ZFYVE1: variants seen among roughly 807,000 people sequenced by gnomAD.
ZFYVE1 encodes zinc finger FYVE domain-containing protein 1.
In ZFYVE1, 30 loss-of-function variants were observed where a neutral mutation model predicts 74.4. That is an observed-to-expected ratio of 0.40 (90% CI 0.30 to 0.55). The LOEUF is 0.55. ZFYVE1 is among the 20% of genes least tolerant of loss of function. The pLI is 0.42. For synonymous variants in ZFYVE1, 335 were observed against 385.1 expected (o/e 0.87, Z 1.52); for missense variants, 703 against 1,011.6 (o/e 0.69, Z 4.14).
At chr14:73,021,882 C>T (rs1894326823) in intron 2 of ZFYVE1, among the ~76,000 whole-genome samples, 1 of 152,072 alleles carries the variant, frequency 6.6e-6, no homozygotes, top group Admixed American at 6.6e-5. Flanking sequence ...CTAAGGAACA[C>T]ATATCAATGC....
At chr14:73,005,517 C>G (rs938447613) in intron 2 of ZFYVE1, among the ~76,000 whole-genome samples, 3 of 152,176 alleles carry the variant, frequency 2.0e-5, no homozygotes, top group African/African-American at 7.2e-5. Flanking sequence ...CCATCTTCCC[C>G]AAGCTTGCTA....
chr14:73,016,335 C>A (rs2140385889), intron 2 of ZFYVE1, among the ~76,000 whole-genome samples: 1 of 152,108 alleles, frequency 6.6e-6, no homozygotes, highest in African/African-American at 2.4e-5. Context: ...CACGGTGAAA[C>A]CCCGTCTCTA....
chr14:72,980,338 A>G (rs1348248762), intron 5 of ZFYVE1, among the ~76,000 whole-genome samples: 2 of 152,070 alleles, frequency 1.3e-5, no homozygotes, highest in Non-Finnish European at 2.9e-5. Context: ...AAGCAAAGAC[A>G]ATTTGGTAGT....
intron 2 of ZFYVE1, among the ~76,000 whole-genome samples, chr14:73,012,690 A>G (rs1313019432): frequency 6.6e-6 from 1 of 152,190 alleles, no homozygotes; most frequent in Admixed American, 6.5e-5. Context: ...GCTTCATTCC[A>G]GAGAATGAAG....
intron 2 of ZFYVE1, among the ~76,000 whole-genome samples, chr14:73,015,094 G>A (rs1894161540): frequency 6.6e-6 from 1 of 151,276 alleles, no homozygotes; most frequent in Non-Finnish European, 1.5e-5. Flanking sequence ...AGTCAGGCAT[G>A]GTGGCAGGCG....
At chr14:72,978,683 C>T (rs1389763361) in intron 6 of ZFYVE1, among the ~76,000 whole-genome samples, 178 bp downstream of exon 6, 3 of 151,930 alleles carry the variant, frequency 2.0e-5, no homozygotes, top group Non-Finnish European at 4.4e-5. Flanking sequence ...CAAAGGGACC[C>T]TCACCAATGA....
rs751619425 is a variant in ZFYVE1, at chr14:72,993,123, T to C, written c.1203+20A>G. 9 of 1,574,736 alleles carry C rather than the reference T, an allele frequency of 5.7e-6. No homozygotes were observed. The Middle Eastern group carries it at 6.5e-4, about 113-fold the overall frequency. Reference sequence around the variant, plus strand: ...CACTGGCACCCCAATGAGAAGCCCTTGGGGCACAAGCCAACTGACCTTCAG... The same window carrying C: ...CACTGGCACCCCAATGAGAAGCCCTCGGGGCACAAGCCAACTGACCTTCAG... On this transcript the variant is annotated intron_variant, in intron 4 of 11. Transcript: ENST00000556143.
At position 72,975,468 on chromosome 14, in the gene ZFYVE1, C is replaced by T; in HGVS notation, c.1806+83G>A. On this transcript the variant is annotated intron_variant, in intron 9 of 11. Coordinates refer to ENST00000556143, the MANE Select transcript of ZFYVE1 (RefSeq NM_021260.4). This position sits in a 1 kb window ranked among gnomAD's most constrained non-coding sequence, Gnocchi z 4.1. ...GCAGAAAATGTTTGCGTCTCCCTCA[C>T]AGAACAAGCTTAGCACAGGGCAAAG... The T allele has an allele frequency of 1.3e-6, 2 of 1,495,066 alleles. No homozygotes were observed. Among genetic ancestry groups the T allele is most frequent in the East Asian group, 2.3e-5 (1 of 43,222 alleles). The allele number at this position is 1,495,066 out of a possible 1,614,324, so 92.6% of individuals were successfully genotyped here. A position where few individuals can be genotyped will look rare whatever the true frequency, so the allele number is the denominator to read the frequency against.
intron 4 of ZFYVE1, among the ~76,000 whole-genome samples, chr14:72,986,531 A>G (rs1220574696): frequency 6.6e-6 from 1 of 150,464 alleles, no homozygotes; most frequent in East Asian, 1.9e-4. Context: ...GAGTAGGGAG[A>G]AACTCCTCTT....
At chr14:73,012,296 C>T (rs1162878808) in intron 2 of ZFYVE1, among the ~76,000 whole-genome samples, 1 of 151,890 alleles carries the variant, frequency 6.6e-6, no homozygotes, top group African/African-American at 2.4e-5. Flanking sequence ...CAAACTAAAC[C>T]CATGAGTCAC....
chr14:73,014,961 G>A (rs1414643693), intron 2 of ZFYVE1, among the ~76,000 whole-genome samples: 3 of 152,094 alleles, frequency 2.0e-5, no homozygotes, highest in East Asian at 1.9e-4. Context: ...AGGGCCGGGT[G>A]CAGTGGCTCA....
intron 4 of ZFYVE1, among the ~76,000 whole-genome samples, chr14:72,987,984 T>C (rs977919016): frequency 6.6e-6 from 1 of 152,114 alleles, no homozygotes; most frequent in African/African-American, 2.4e-5. Flanking sequence ...TCTCTCTGTC[T>C]CTCTCTCACA....
chr14:73,013,867 C>T (rs1287533813), intron 2 of ZFYVE1, among the ~76,000 whole-genome samples: 1 of 152,158 alleles, frequency 6.6e-6, no homozygotes, highest in East Asian at 1.9e-4. Flanking sequence ...ATGAGAGCTC[C>T]TCCCGAAGTA....
rs187852091 is a variant in ZFYVE1, at chr14:72,969,452, G to A, written c.*1430C>T. The A allele has an allele frequency of 1.3e-5, 6 of 449,610 alleles. No homozygotes were observed. Among genetic ancestry groups the A allele is most frequent in the Admixed American group, 7.8e-5 (2 of 25,518 alleles). 27.9% of individuals were successfully genotyped at this position (449,610 alleles called of 1,614,324 possible). ...AGGAAAGAGCCAGCACAGTCGAGATGCAGGAAGATTCCTTTATGATGGCGA... is the reference window on the plus strand; with the variant it reads ...AGGAAAGAGCCAGCACAGTCGAGATACAGGAAGATTCCTTTATGATGGCGA... On this transcript the variant is annotated 3_prime_UTR_variant, in exon 12 of 12. Coordinates refer to ENST00000556143, the MANE Select transcript of ZFYVE1 (RefSeq NM_021260.4).
At chr14:72,993,058 C>T (rs765826028) in intron 4 of ZFYVE1, 85 bp downstream of exon 4, 50 of 1,347,430 alleles carry the variant, frequency 3.7e-5, no homozygotes, top group Non-Finnish European at 4.8e-5. Context: ...TTCCAATCAC[C>T]AGCACCACAA....
At chr14:72,987,435 C>T (rs1003234265) in intron 4 of ZFYVE1, among the ~76,000 whole-genome samples, 4 of 152,014 alleles carry the variant, frequency 2.6e-5, no homozygotes, top group African/African-American at 7.2e-5. Context: ...GGTGTGGTGG[C>T]GTGTGCCTGT....
In ZFYVE1 at chr14:72,970,604, G is replaced by C. The variant is rs1446676705; in HGVS notation, c.*278C>G. The C allele has an allele frequency of 2.3e-5, 11 of 478,562 alleles. No individual in the cohort carries two copies. The highest frequency in any genetic ancestry group is 1.8e-4 in the Admixed American group (5 of 28,052). 29.6% of individuals were successfully genotyped at this position (478,562 alleles called of 1,614,324 possible). ...GCCTTTCATATGTATATATGAGAGA[G>C]AGATATACACATATATATTCATTAT... On this transcript the variant is annotated 3_prime_UTR_variant, in exon 12 of 12. Transcript: ENST00000556143.
chr14:72,978,742 T>C (rs2140346856), intron 6 of ZFYVE1, 119 bp downstream of exon 6: 6 of 796,770 alleles, frequency 7.5e-6, no homozygotes, highest in East Asian at 2.5e-5. Context: ...TCCAGAAATA[T>C]TCAATTTGAA....
chr14:72,979,077 T>C (rs1306621110), intron 5 of ZFYVE1, 108 bp from the exon 6 acceptor site: 1 of 921,050 alleles, frequency 1.1e-6, no homozygotes, highest in Non-Finnish European at 1.8e-6. Flanking sequence ...AGACCTTGAT[T>C]ACTAACTGGG....
Sources: allele counts gnomAD v4.1 joint callset (sites outside exome capture counted in the v4.1 genomes callset), GRCh38; gene constraint gnomAD v4.1.1; non-coding constraint Gnocchi (gnomAD v3.1); transcripts MANE v1.5; gene names NCBI Gene and HGNC (gene_info 2026-07-23, HGNC 2026-07-21).